Variants in APP observed in about 807,000 individuals in gnomAD.
APP encodes amyloid-beta precursor protein.
APP carries 31 observed loss-of-function variants against 101.4 expected under a neutral mutation model. The ratio of observed to expected loss-of-function variants is 0.31; its 90% CI spans 0.23 to 0.41. The LOEUF (loss-of-function observed/expected upper bound fraction) is 0.41. APP is among the 10% of genes least tolerant of loss of function. The pLI, the probability that APP is intolerant of heterozygous loss-of-function variation, is 1.00. For missense variants in APP, 839 were observed against 1,003.7 expected, an observed-to-expected ratio of 0.84 and a Z score of 2.22; for synonymous variants, 366 against 364.4, an observed-to-expected ratio of 1.00 and a Z score of -0.05.
rs142589061 is a variant in APP, at chr21:25,952,314, T to A, written c.1687+2276A>T. Among the ~76,000 whole-genome samples, 56 of 152,110 alleles carry A rather than the reference T, an allele frequency of 3.7e-4. 1 individual carries two copies. The East Asian group carries it at 6.6e-3, about 18-fold the overall frequency. ...GCACAACGTGCAGGTCTGTTACATATGTATACATGTGCCATGTTGGTGTGC... is the reference window on the plus strand; with the variant it reads ...GCACAACGTGCAGGTCTGTTACATAAGTATACATGTGCCATGTTGGTGTGC... On this transcript the variant is annotated intron_variant, in intron 13 of 17. Transcript: ENST00000346798.
chr21:25,894,636 T>C (rs1397696607), intron 16 of APP, among the ~76,000 whole-genome samples: 3 of 152,204 alleles, frequency 2.0e-5, no homozygotes, highest in Non-Finnish European at 4.4e-5. Context: ...CATCTCATGA[T>C]CAAACTTGAA....
intron 1 of APP, among the ~76,000 whole-genome samples, chr21:26,146,407 T>C (rs1480766055): frequency 6.6e-6 from 1 of 152,258 alleles, no homozygotes; most frequent in African/African-American, 2.4e-5. Flanking sequence ...CAATGTTATA[T>C]CACTGTTTTA....
At chr21:26,170,526 G>C in intron 1 of APP, 38 bp downstream of exon 1, 2 of 1,534,116 alleles carry the variant, frequency 1.3e-6, no homozygotes, top group Non-Finnish European at 1.7e-6. Flanking sequence ...CGTCCCCACC[G>C]TGCAGCCTCC....
intron 8 of APP, among the ~76,000 whole-genome samples, chr21:25,990,843 A>G (rs1458320422): frequency 6.6e-6 from 1 of 152,200 alleles, no homozygotes; most frequent in East Asian, 1.9e-4. Flanking sequence ...GTGTCTCTCA[A>G]AATACCTGGC....
chr21:26,016,446 A>G (rs2044066321), intron 6 of APP, among the ~76,000 whole-genome samples: 1 of 152,204 alleles, frequency 6.6e-6, no homozygotes. Flanking sequence ...GGTTGAAATG[A>G]ATTTGTGTGT....
At chr21:26,013,687 C>T (rs567383417) in intron 6 of APP, among the ~76,000 whole-genome samples, 1 of 152,052 alleles carries the variant, frequency 6.6e-6, no homozygotes, top group African/African-American at 2.4e-5. Flanking sequence ...CACTATGTTG[C>T]CCAGGCTGGT....
At chr21:25,912,418 T>C (rs531509537) in intron 13 of APP, among the ~76,000 whole-genome samples, 1 of 152,350 alleles carries the variant, frequency 6.6e-6, no homozygotes, top group Non-Finnish European at 1.5e-5. Flanking sequence ...TGTCTTGCCT[T>C]GCACACTTGC....
chr21:26,033,077 A>G (rs752559879), intron 5 of APP, among the ~76,000 whole-genome samples: 1 of 152,220 alleles, frequency 6.6e-6, no homozygotes, highest in Non-Finnish European at 1.5e-5. Flanking sequence ...GAAGGTAGCA[A>G]ACAGGACACT....
chr21:26,056,877 G>A (rs376541841), intron 3 of APP, among the ~76,000 whole-genome samples: 1 of 152,184 alleles, frequency 6.6e-6, no homozygotes, highest in Admixed American at 6.5e-5. Context: ...GATGAAACAT[G>A]TTAGAAGGTT....
Position 26,025,637 on chromosome 21 carries a change from C to T in APP, c.663-3595G>A, listed in dbSNP as rs571215544. 5.3e-5 allele frequency among the ~76,000 whole-genome samples: 8 copies of T among 152,282 alleles called. No individual in the cohort carries two copies. The South Asian group carries it at 1.5e-3, about 28-fold the overall frequency. ...TGTAAAAACAGCTGTTTAGTGTGAT[C>T]TGCATTCTGGTATGTGTCTAGCCGT... On this transcript the variant is annotated intron_variant, in intron 5 of 17. Coordinates refer to ENST00000346798, the MANE Select transcript of APP (RefSeq NM_000484.4).
intron 9 of APP, among the ~76,000 whole-genome samples, chr21:25,977,619 T>C (rs2042271338): frequency 6.6e-6 from 1 of 152,244 alleles, no homozygotes; most frequent in Admixed American, 6.5e-5. Flanking sequence ...TTGTATATGA[T>C]AGGCAATTAG....
chr21:25,962,658 T>G (rs1365726853), intron 11 of APP, among the ~76,000 whole-genome samples: 3 of 152,216 alleles, frequency 2.0e-5, no homozygotes, highest in Non-Finnish European at 4.4e-5. Flanking sequence ...TCCCAGAAAA[T>G]ATTTAATGGA....
At chr21:26,170,172 G>A (rs1279710911) in intron 1 of APP, among the ~76,000 whole-genome samples, 1 of 152,212 alleles carries the variant, frequency 6.6e-6, no homozygotes, top group Non-Finnish European at 1.5e-5. Flanking sequence ...TGGCTTTAGG[G>A]ACGCTGCGTT....
chr21:25,911,921 A>C lies in APP; in HGVS notation c.1729T>G (p.Leu577Val). 1 of 1,614,214 alleles carries C rather than the reference A, an allele frequency of 6.2e-7. No homozygotes were observed. Among genetic ancestry groups the C allele is most frequent in the Non-Finnish European group, 8.5e-7 (1 of 1,180,038 alleles). Residue 577 changes from leucine to valine, a missense_variant, in exon 14 of 18, where the codon TTG (leucine) becomes GTG (valine). Coordinates refer to ENST00000346798, the MANE Select transcript of APP (RefSeq NM_000484.4). ...CTTGGTTCACTAATCATGTTGGCCAAGACGTCATCTGAATAGTTTTGCTCT... is the reference window on the plus strand; with the variant it reads ...CTTGGTTCACTAATCATGTTGGCCACGACGTCATCTGAATAGTTTTGCTCT... ...QKEQNYSDDVLANMISEPRIS... is the reference protein window; with the variant it reads ...QKEQNYSDDVVANMISEPRIS...
chr21:25,997,985 GGTGCC>G, intron 7 of APP, among the ~76,000 whole-genome samples: 1 of 152,162 alleles, frequency 6.6e-6, no homozygotes, highest in Non-Finnish European at 1.5e-5. Context: ...CACCTGGACA[GGTGCC>G]CACTGGTCAC....
rs200769792 is a variant in APP, at chr21:25,911,924, C to T, written c.1726G>A (p.Val576Ile). Residue 576 changes from valine (V) to isoleucine (I), a missense_variant, in exon 14 of 18, where the codon GTC becomes ATC. Val to Ile is a conservative substitution (Grantham distance 29). Coordinates refer to ENST00000346798, the MANE Select transcript of APP (RefSeq NM_000484.4). ...GGTTCACTAATCATGTTGGCCAAGACGTCATCTGAATAGTTTTGCTCTTTC... is the reference window on the plus strand; with the variant it reads ...GGTTCACTAATCATGTTGGCCAAGATGTCATCTGAATAGTTTTGCTCTTTC... ...LQKEQNYSDD[V>I]LANMISEPRI... 8.9e-5 allele frequency: 144 copies of T among 1,614,028 alleles called. 1 individual carries two copies. Among genetic ancestry groups the T allele is most frequent in the Non-Finnish European group, 1.1e-4 (128 of 1,180,014 alleles).
intron 1 of APP, among the ~76,000 whole-genome samples, chr21:26,137,419 A>G (rs1381830463): frequency 6.6e-6 from 1 of 152,184 alleles, no homozygotes; most frequent in Non-Finnish European, 1.5e-5. Context: ...CTAAGTAAAA[A>G]CCCATACCCT....
chr21:25,952,296 G>A (rs938236717), intron 13 of APP, among the ~76,000 whole-genome samples: 3 of 151,136 alleles, frequency 2.0e-5, no homozygotes, highest in Non-Finnish European at 4.4e-5. Flanking sequence ...TGTGCACAAC[G>A]TGCAGGTCTG....
At chr21:26,013,412 T>C (rs1261980565) in intron 6 of APP, among the ~76,000 whole-genome samples, 2 of 151,558 alleles carry the variant, frequency 1.3e-5, no homozygotes, top group African/African-American at 4.9e-5. Flanking sequence ...TCTTTGAGGT[T>C]TGATTTTTTT....
Sources: allele counts gnomAD v4.1 joint callset (sites outside exome capture counted in the v4.1 genomes callset), GRCh38; gene constraint gnomAD v4.1.1; transcripts MANE v1.5; gene names NCBI Gene and HGNC (gene_info 2026-07-23, HGNC 2026-07-21).